Variants in SSPN observed in about 807,000 individuals in gnomAD.
The protein encoded by SSPN is sarcospan, also known as K-ras oncogene-associated protein.
SSPN carries 15 observed loss-of-function variants against 19.1 expected under a neutral mutation model. The observed-to-expected ratio is 0.78, with a 90% confidence interval of 0.52 to 1.21. SSPN has a LOEUF of 1.21. Ranked by LOEUF, SSPN falls within the 50% of genes most tolerant of loss-of-function variation. The pLI is 0.00. For synonymous variants in SSPN, 147 were observed against 140.3 expected, an observed-to-expected ratio of 1.05 and a Z score of -0.34; for missense variants, 291 against 314.0, an observed-to-expected ratio of 0.93 and a Z score of 0.55.
At chr12:26,205,275 A>G (rs562255209) in intron 1 of SSPN, among the ~76,000 whole-genome samples, 1 of 152,140 alleles carries the variant, frequency 6.6e-6, no homozygotes, top group Non-Finnish European at 1.5e-5. Context: ...TTCAGCATTC[A>G]CTGTAAGGAG....
At chr12:26,200,746 T>A (rs7299103) in intron 1 of SSPN, among the ~76,000 whole-genome samples, 2 of 151,898 alleles carry the variant, frequency 1.3e-5, no homozygotes, top group South Asian at 2.1e-4. Context: ...TGCATAGTAA[T>A]ACATTATTCA....
chr12:26,220,929 G>A (rs1423856614), intron 1 of SSPN, among the ~76,000 whole-genome samples: 2 of 151,956 alleles, frequency 1.3e-5, no homozygotes, highest in African/African-American at 4.8e-5. Context: ...TCATTTCTCA[G>A]GTGAAGAATG....
upstream of SSPN, among the ~76,000 whole-genome samples, chr12:26,193,509 A>G (rs372609483): frequency 3.3e-5 from 5 of 152,324 alleles, no homozygotes; most frequent in South Asian, 2.1e-4. Context: ...TACATACTTG[A>G]TTCCAGGTAG....
chr12:26,201,743 A>T (rs2137465460), intron 1 of SSPN, among the ~76,000 whole-genome samples: 1 of 152,318 alleles, frequency 6.6e-6, no homozygotes, highest in Non-Finnish European at 1.5e-5. Flanking sequence ...TTTTGATAGA[A>T]ATACTGGTAC....
At chr12:26,224,188 C>A in intron 1 of SSPN, 105 bp from the exon 2 acceptor site, 1 of 757,670 alleles carries the variant, frequency 1.3e-6, no homozygotes, top group Non-Finnish European at 2.3e-6. Flanking sequence ...AAGAAACGGA[C>A]AGCTTTATAA....
chr12:26,188,410 T>A (rs915705493), intron 1 of SSPN, among the ~76,000 whole-genome samples: 1 of 152,250 alleles, frequency 6.6e-6, no homozygotes, highest in Non-Finnish European at 1.5e-5. Flanking sequence ...TGATCAAAGA[T>A]GTCAGTCTGG....
intron 1 of SSPN, among the ~76,000 whole-genome samples, chr12:26,133,545 T>A (rs905350782): frequency 1.3e-5 from 2 of 152,216 alleles, no homozygotes; most frequent in Non-Finnish European, 2.9e-5. Flanking sequence ...AAAGGCATAA[T>A]CATAAACTTT....
chr12:26,136,834 A>G (rs1390397545), intron 1 of SSPN, among the ~76,000 whole-genome samples: 1 of 152,234 alleles, frequency 6.6e-6, no homozygotes, highest in Non-Finnish European at 1.5e-5. Flanking sequence ...CTTTTAAATC[A>G]TGCTATTTAG....
intron 1 of SSPN, chr12:26,211,629 C>T (rs1206801567): frequency 1.3e-5 from 2 of 152,168 alleles, no homozygotes; most frequent in Non-Finnish European, 2.9e-5. Flanking sequence ...GTCACAAGTT[C>T]CAACTCATTT....
intron 1 of SSPN, chr12:26,123,299 C>T (rs77757339): frequency 0.016 from 19,875 of 1,258,894 alleles, 195 homozygotes; most frequent in Non-Finnish European, 0.018. Context: ...CCCCAGTATT[C>T]AAGTGATATA....
chr12:26,122,486 G>T, intron 1 of SSPN: 1 of 1,327,942 alleles, frequency 7.5e-7, no homozygotes, highest in Non-Finnish European at 9.7e-7. Context: ...AGGGGGCCGC[G>T]GCGGCCGCGG....
chr12:26,195,573 A>G lies in SSPN; in HGVS notation c.-100A>G, dbSNP rs1386565532. 12 of 1,321,578 alleles carry G rather than the reference A, an allele frequency of 9.1e-6. No individual in the cohort carries two copies. The highest frequency in any genetic ancestry group is 9.6e-6 in the Non-Finnish European group (10 of 1,041,388). The allele number at this position is 1,321,578 out of a possible 1,614,324, so 81.9% of individuals were successfully genotyped here. On this transcript the variant is annotated 5_prime_UTR_variant, in exon 1 of 3. Transcript: ENST00000242729. ...TGTTTTCCATATTTGTTCAGCCTCC[A>G]TAATTCGAATACCAGGGCAGGCCGA...
intron 1 of SSPN, among the ~76,000 whole-genome samples, chr12:26,198,173 G>GGA (rs1393239161): frequency 4.0e-5 from 6 of 148,994 alleles, no homozygotes; most frequent in African/African-American, 1.2e-4. Context: ...TTTTGGGGGG[G>GGA]GGTTTTTGGA....
chr12:26,205,642 G>C (rs1944924833), intron 1 of SSPN, among the ~76,000 whole-genome samples: 1 of 152,154 alleles, frequency 6.6e-6, no homozygotes, highest in African/African-American at 2.4e-5. Context: ...TTCTCTCAGG[G>C]AGAAACTTGC....
At chr12:26,122,124 C>T (rs1822037507) in exon 1 of SSPN, 2 of 1,549,172 alleles carry the variant, frequency 1.3e-6, no homozygotes, top group Non-Finnish European at 1.7e-6. Flanking sequence ...CTCCGGGTTC[C>T]CCGGCTCGCG....
intron 2 of SSPN, among the ~76,000 whole-genome samples, chr12:26,226,438 A>G (rs1945176737): frequency 6.6e-6 from 1 of 152,064 alleles, no homozygotes. Flanking sequence ...TGACAGTCTC[A>G]TTGTAGTCCA....
intron 1 of SSPN, chr12:26,122,624 C>A: frequency 1.7e-6 from 2 of 1,185,540 alleles, no homozygotes; most frequent in Non-Finnish European, 2.1e-6. Context: ...CCGCCGCCGC[C>A]GCGCCGCCCC....
chr12:26,177,811 C>T (rs1452381820), intron 1 of SSPN, among the ~76,000 whole-genome samples: 3 of 152,188 alleles, frequency 2.0e-5, no homozygotes, highest in Non-Finnish European at 4.4e-5. Context: ...TCTTTACACA[C>T]TCATCATGCA....
chr12:26,169,029 T>G lies in SSPN; in HGVS notation c.-31+46877T>G, dbSNP rs553445331. The stretch of plus-strand genomic sequence containing the variant: ...TTAAAGGAAGATTATGGGCCTCATT[T>G]TGAAAAAAAAAACACTTAAGGTAAT... On this transcript the variant is annotated intron_variant, in intron 1 of 2. Coordinates refer to the SSPN transcript ENST00000538142. 4.8e-3 allele frequency among the ~76,000 whole-genome samples: 453 copies of G among 94,706 alleles called. 4 individuals carry two copies. Among genetic ancestry groups the G allele is most frequent in the African/African-American group, 0.028 (433 of 15,708 alleles). 62.1% of individuals were successfully genotyped at this position (94,706 alleles called of 152,430 possible). A position where few individuals can be genotyped will look rare whatever the true frequency, so the allele number is the denominator to read the frequency against.
Sources: allele counts gnomAD v4.1 joint callset (sites outside exome capture counted in the v4.1 genomes callset), GRCh38; gene constraint gnomAD v4.1.1; transcripts MANE v1.5; gene names NCBI Gene and HGNC (gene_info 2026-07-23, HGNC 2026-07-21).